Variants in PCDHGA8 observed in about 807,000 individuals in gnomAD.
PCDHGA8 encodes the protein protocadherin gamma-A8.
PCDHGA8 carries 45 observed loss-of-function variants against 59.2 expected under a neutral mutation model. The observed-to-expected ratio is 0.76, with a 90% confidence interval of 0.60 to 0.98. The LOEUF (loss-of-function observed/expected upper bound fraction) is 0.98, where lower values mean the gene tolerates loss of function less well. PCDHGA8 is among the 50% of genes least tolerant of loss of function. The pLI, the probability that PCDHGA8 is intolerant of heterozygous loss-of-function variation, is 0.00. For missense variants in PCDHGA8, 1,257 were observed against 1,196.2 expected, an observed-to-expected ratio of 1.05 and a Z score of -0.75; for synonymous variants, 531 against 519.0, an observed-to-expected ratio of 1.02 and a Z score of -0.32.
rs2099883943 is a variant in PCDHGA8, at chr5:141,511,766, G to A, written c.*593G>A. ...TGGAGGACATGATCACCATCCCCAT[G>A]GTACTGATGCTTGCTGGATTTAGGG... On this transcript the variant is annotated 3_prime_UTR_variant, in exon 4 of 4. Coordinates refer to ENST00000398604, the MANE Select transcript of PCDHGA8 (RefSeq NM_032088.2). 2 of 161,712 alleles carry A rather than the reference G, an allele frequency of 1.2e-5. No homozygotes were observed. Among genetic ancestry groups the A allele is most frequent in the Non-Finnish European group, 2.8e-5 (2 of 72,704 alleles). The allele number at this position is 161,712 out of a possible 1,614,324, so 10.0% of individuals were successfully genotyped here.
At chr5:141,509,908 G>A (rs376035312) in intron 3 of PCDHGA8, among the ~76,000 whole-genome samples, 1 of 152,164 alleles carries the variant, frequency 6.6e-6, no homozygotes, top group African/African-American at 2.4e-5. Flanking sequence ...TCCAGCATGC[G>A]CTTAGGTACA....
At chr5:141,438,159 T>TA (rs974013542) in intron 1 of PCDHGA8, among the ~76,000 whole-genome samples, 44 of 152,258 alleles carry the variant, frequency 2.9e-4, no homozygotes, top group African/African-American at 9.9e-4. Context: ...ATGGCAAAGC[T>TA]AATTGGAAAA....
chr5:141,394,837 T>G lies in PCDHGA8; in HGVS notation c.2024T>G (p.Leu675Trp), dbSNP rs993988817. 198 of 1,613,706 alleles carry G rather than the reference T, an allele frequency of 1.2e-4. No homozygotes were observed. The highest frequency in any genetic ancestry group is 1.6e-4 in the Non-Finnish European group (187 of 1,179,960). ...AGCATCCCCGAAGTCCTGACCGAGT[T>G]GGGCAGTCTGAAGCCTTCGGTCGAC... is the stretch of plus-strand genomic sequence containing the variant. ...ADSIPEVLTE[L>W]GSLKPSVDPN... is the part of the protein sequence containing the mutation. Residue 675 changes from leucine (L) to tryptophan (W), a missense_variant, in exon 1 of 4, where the codon TTG becomes TGG. Coordinates refer to ENST00000398604, the MANE Select transcript of PCDHGA8 (RefSeq NM_032088.2).
Position 141,427,553 on chromosome 5 carries a change from TG to T in PCDHGA8, c.2424+32317del, listed in dbSNP as rs201716174. ...AGTACAACGTCACCATCACTGCCAC[TG>T]ACAAGGGCAAGCCTCCGCTCTCATC... On this transcript the variant is annotated intron_variant, in intron 1 of 3. Transcript: ENST00000398604. 2.7e-3 allele frequency: 1,760 copies of T among 646,124 alleles called. 23 individuals are homozygous for T. In the African/African-American group the frequency reaches 0.028, roughly 10 times the overall value. 40.0% of individuals were successfully genotyped at this position (646,124 alleles called of 1,614,324 possible).
chr5:141,395,363 T>C (rs2093221465), intron 1 of PCDHGA8, 126 bp downstream of exon 1: 2 of 1,278,044 alleles, frequency 1.6e-6, no homozygotes, highest in Admixed American at 5.9e-5. Context: ...GTTTTGGGTT[T>C]ATTTTGGTGG....
intron 1 of PCDHGA8, among the ~76,000 whole-genome samples, chr5:141,451,138 A>T (rs1348825654): frequency 6.6e-6 from 1 of 152,242 alleles, no homozygotes; most frequent in East Asian, 1.9e-4. Flanking sequence ...TTATGATTGT[A>T]TTTAGACTAG....
chr5:141,493,346 C>T lies in PCDHGA8; in HGVS notation c.2425-1461C>T, dbSNP rs766845200. Among the ~76,000 whole-genome samples, 5 of 152,172 alleles carry T rather than the reference C, an allele frequency of 3.3e-5. No individual in the cohort carries two copies. Among genetic ancestry groups the T allele is most frequent in the Non-Finnish European group, 7.3e-5 (5 of 68,028 alleles). On this transcript the variant is annotated intron_variant, in intron 1 of 3. Coordinates refer to ENST00000398604, the MANE Select transcript of PCDHGA8 (RefSeq NM_032088.2). The surrounding 1 kb of genome is among the most constrained non-coding windows in gnomAD (Gnocchi z 4.3). Reference sequence around the variant, plus strand: ...CCCCTGTCTAACTCCAGAATGTGTGCTTTTAATTTCTTGGCACTTGGAACT... The same window carrying T: ...CCCCTGTCTAACTCCAGAATGTGTGTTTTTAATTTCTTGGCACTTGGAACT...
chr5:141,425,371 G>T (rs1396857898), intron 1 of PCDHGA8, among the ~76,000 whole-genome samples: 3 of 152,186 alleles, frequency 2.0e-5, no homozygotes, highest in African/African-American at 7.2e-5. Context: ...AGAGGGTTAT[G>T]TTGATTCGGA....
intron 1 of PCDHGA8, among the ~76,000 whole-genome samples, chr5:141,456,668 T>G (rs2098874996): frequency 1.3e-5 from 2 of 152,254 alleles, no homozygotes; most frequent in Admixed American, 6.5e-5. Context: ...ATGTTTCATT[T>G]AAAAATGCAT....
chr5:141,482,492 T>C (rs1167963137), intron 1 of PCDHGA8, among the ~76,000 whole-genome samples: 1 of 144,468 alleles, frequency 6.9e-6, no homozygotes, highest in Non-Finnish European at 1.5e-5. Flanking sequence ...TTAAAAGTTA[T>C]CATTCTGGTA....
intron 1 of PCDHGA8, among the ~76,000 whole-genome samples, chr5:141,473,757 T>C (rs993403397): frequency 6.6e-6 from 1 of 152,240 alleles, no homozygotes; most frequent in Non-Finnish European, 1.5e-5. Context: ...TTGGATACTA[T>C]GCAAAGGATT....
At chr5:141,499,025 GAAGA>G (rs1309889371) in intron 2 of PCDHGA8, among the ~76,000 whole-genome samples, 11 of 140,712 alleles carry the variant, frequency 7.8e-5, no homozygotes, top group African/African-American at 2.6e-4. Flanking sequence ...AGGAAGGAAG[GAAGA>G]AAAGAAAGAA....
At chr5:141,421,579 T>A (rs753573473) in intron 1 of PCDHGA8, 1 of 1,613,934 alleles carries the variant, frequency 6.2e-7, no homozygotes, top group Non-Finnish European at 8.5e-7. Flanking sequence ...CTTGAAGATT[T>A]ACGGAGTGGA....
intron 1 of PCDHGA8, among the ~76,000 whole-genome samples, chr5:141,488,541 T>C (rs2099676694): frequency 6.6e-6 from 1 of 152,184 alleles, no homozygotes; most frequent in South Asian, 2.1e-4. Flanking sequence ...CTAAGTCCCA[T>C]GTCAGCTGAC....
rs774682943 is a variant in PCDHGA8 at position 141,493,841 on chromosome 5, T to G, written c.2425-966T>G. Among the ~76,000 whole-genome samples the G allele has an allele frequency of 3.3e-5, 5 of 152,024 alleles. No homozygotes were observed. Among genetic ancestry groups the G allele is most frequent in the Non-Finnish European group, 7.4e-5 (5 of 68,010 alleles). On this transcript the variant is annotated intron_variant, in intron 1 of 3. Transcript: ENST00000398604. This position sits in a 1 kb window ranked among gnomAD's most constrained non-coding sequence, Gnocchi z 4.3. The stretch of plus-strand genomic sequence containing the variant: ...CTCTGCTTCTGGGAGCAAGTATGAG[T>G]ATTAATTACCAGCCCACCCCAGAAC...
chr5:141,480,102 T>C (rs568342271), intron 1 of PCDHGA8, among the ~76,000 whole-genome samples: 1 of 152,320 alleles, frequency 6.6e-6, no homozygotes, highest in South Asian at 2.1e-4. Flanking sequence ...GCAAAGTGTT[T>C]AGCATGGTGC....
chr5:141,462,202 C>T (rs188546035), intron 1 of PCDHGA8, among the ~76,000 whole-genome samples: 1,522 of 152,002 alleles, frequency 0.01, 33 homozygotes, highest in African/African-American at 0.034. Flanking sequence ...TCAGGTGATC[C>T]GCCTGCCTCG....
chr5:141,422,976 G>A lies in PCDHGA8; in HGVS notation c.2424+27739G>A, dbSNP rs558006468. On this transcript the variant is annotated intron_variant, in intron 1 of 3. Transcript: ENST00000398604. The stretch of plus-strand genomic sequence containing the variant: ...GCGTGGAGCTGGCGCCCCGCTCTGC[G>A]GAACCTGGCTACCTGGTGACCAAGG... 27 of 1,614,212 alleles carry A rather than the reference G, an allele frequency of 1.7e-5. No homozygotes were observed. In the East Asian group the frequency reaches 4.7e-4, roughly 28 times the overall value.
intron 1 of PCDHGA8, among the ~76,000 whole-genome samples, chr5:141,475,504 T>C (rs1202550150): frequency 1.3e-5 from 2 of 152,254 alleles, no homozygotes; most frequent in Non-Finnish European, 2.9e-5. Flanking sequence ...AAATTATTAA[T>C]GTCTCCACGG....
Sources: allele counts gnomAD v4.1 joint callset (sites outside exome capture counted in the v4.1 genomes callset), GRCh38; gene constraint gnomAD v4.1.1; non-coding constraint Gnocchi (gnomAD v3.1); transcripts MANE v1.5; gene names NCBI Gene and HGNC (gene_info 2026-07-23, HGNC 2026-07-21).